RCC1L: variants seen among roughly 807,000 people sequenced by gnomAD.
RCC1L encodes the protein RCC1 like.
A neutral mutation model predicts 58.6 loss-of-function variants in RCC1L; 46 were observed. The ratio of observed to expected loss-of-function variants is 0.79; its 90% CI spans 0.62 to 1.00. The LOEUF is 1.00. Ranked by LOEUF, RCC1L falls within the 50% of genes least tolerant of loss-of-function variation. The pLI, the probability that RCC1L is intolerant of heterozygous loss-of-function variation, is 0.00. For synonymous variants in RCC1L, 281 were observed against 262.9 expected, an observed-to-expected ratio of 1.07 and a Z score of -0.67; for missense variants, 636 against 623.6, an observed-to-expected ratio of 1.02 and a Z score of -0.21.
At chr7:75,039,187 G>A (rs1179494249), downstream of RCC1L, among the ~76,000 whole-genome samples, 1 of 152,200 alleles carries the variant, frequency 6.6e-6, no homozygotes, top group African/African-American at 2.4e-5. Context: ...GTGAAGGCCA[G>A]GCCTCCTTTA....
chr7:75,041,863 CAAAAA>C (rs1201913828), downstream of RCC1L, among the ~76,000 whole-genome samples: 7 of 64,484 alleles, frequency 1.1e-4, no homozygotes, highest in African/African-American at 2.5e-4. Context: ...GACTCTGTCT[CAAAAA>C]AAAAAAAAAA....
Position 75,063,805 on chromosome 7 carries a change from A to C in RCC1L, c.651-462T>G, listed in dbSNP as rs987189121. ...TGCGGTGGCGGACGCCTGTAATCCCAGCTATTCGGGAGGCTGATACATGAG... is the reference window on the plus strand; with the variant it reads ...TGCGGTGGCGGACGCCTGTAATCCCCGCTATTCGGGAGGCTGATACATGAG... On this transcript the variant is annotated intron_variant, in intron 4 of 10. Coordinates refer to ENST00000610322, the MANE Select transcript of RCC1L (RefSeq NM_030798.5). Among the ~76,000 whole-genome samples, 93 of 152,242 alleles carry C rather than the reference A, an allele frequency of 6.1e-4. 1 individual carries two copies. The South Asian group carries it at 0.018, about 29-fold the overall frequency.
Position 75,042,303 on chromosome 7 carries a change from T to G in RCC1L, c.*729A>C, listed in dbSNP as rs1805588945. 1 of 985,508 alleles carries G rather than the reference T, an allele frequency of 1.0e-6. No homozygotes were observed. 61.0% of individuals were successfully genotyped at this position (985,508 alleles called of 1,614,324 possible). On this transcript the variant is annotated 3_prime_UTR_variant, in exon 11 of 11. Transcript: ENST00000610322. Reference sequence around the variant, plus strand: ...ATTGTTCACAATTTCTGGATCTTCCTCCTCCGCCTGGCACTGCAGCTGAGC... The same window carrying G: ...ATTGTTCACAATTTCTGGATCTTCCGCCTCCGCCTGGCACTGCAGCTGAGC...
chr7:75,070,620 GA>G lies in RCC1L; in HGVS notation c.454+19del, dbSNP rs1554445909. On this transcript the variant is annotated intron_variant, in intron 2 of 10. Transcript: ENST00000610322. ...CTCAGACCAATCCCGGCAAAGAGGA[GA>G]CAAGGTAGGGATGCTCACTTTTATC... 1 of 1,612,572 alleles carries G rather than the reference GA, an allele frequency of 6.2e-7. No homozygotes were observed.
intron 6 of RCC1L, 49 bp downstream of exon 6, chr7:75,061,157 TG>T: frequency 6.7e-7 from 1 of 1,484,174 alleles, no homozygotes; most frequent in South Asian, 1.1e-5. Context: ...CAGCTCCACA[TG>T]ACACGGGCTG....
chr7:75,055,773 G>T (rs1806056703), intron 9 of RCC1L, 128 bp downstream of exon 9: 1 of 1,071,064 alleles, frequency 9.3e-7, no homozygotes, highest in Non-Finnish European at 1.4e-6. Flanking sequence ...CCTTGCTTGA[G>T]TTATCAGTAC....
At chr7:75,028,192 A>AAC in intron 10 of RCC1L, 1 of 990,162 alleles carries the variant, frequency 1.0e-6, no homozygotes, top group South Asian at 1.7e-5. Context: ...ATCTCAGCTC[A>AAC]CTGCAGCAAC....
rs1337545164 is a variant in RCC1L, at chr7:75,042,262, C to T, written c.*770G>A. ...TGTTTTTAAAGGGAAAGGCAAGTCA[C>T]GCTACTAAATCAAACATTGTTCACA... On this transcript the variant is annotated 3_prime_UTR_variant, in exon 11 of 11. Coordinates refer to ENST00000610322, the MANE Select transcript of RCC1L (RefSeq NM_030798.5). 6 of 985,458 alleles carry T rather than the reference C, an allele frequency of 6.1e-6. No homozygotes were observed. In the African/African-American group the frequency reaches 7.0e-5, roughly 11 times the overall value. 61.0% of individuals were successfully genotyped at this position (985,458 alleles called of 1,614,324 possible).
In RCC1L at chr7:75,061,426, T is replaced by G. The variant is rs1427500471; in HGVS notation, c.703-135A>C. 3 of 758,380 alleles carry G rather than the reference T, an allele frequency of 4.0e-6. No homozygotes were observed. The African/African-American group carries it at 5.1e-5, about 13-fold the overall frequency. 47.0% of individuals were successfully genotyped at this position (758,380 alleles called of 1,614,324 possible). On this transcript the variant is annotated intron_variant, in intron 5 of 10. Coordinates refer to ENST00000610322, the MANE Select transcript of RCC1L (RefSeq NM_030798.5). Reference sequence around the variant, plus strand: ...ATGGTCCAGGCAGACTGCTCCATGCTCATCTTACTCCTTCTCAATCTACCA... The same window carrying G: ...ATGGTCCAGGCAGACTGCTCCATGCGCATCTTACTCCTTCTCAATCTACCA...
At chr7:75,060,777 G>C (rs1176546497) in intron 6 of RCC1L, among the ~76,000 whole-genome samples, 1 of 151,936 alleles carries the variant, frequency 6.6e-6, no homozygotes, top group Non-Finnish European at 1.5e-5. Context: ...GGGAATGGAA[G>C]GGATGCAAAA....
At chr7:75,072,980 G>T (rs1304598049) in intron 1 of RCC1L, among the ~76,000 whole-genome samples, 2 of 152,164 alleles carry the variant, frequency 1.3e-5, no homozygotes, top group African/African-American at 4.8e-5. Flanking sequence ...TTTCTGAGTT[G>T]TTCATTGAAA....
downstream of RCC1L, among the ~76,000 whole-genome samples, chr7:75,041,283 C>T (rs1805557740): frequency 6.6e-6 from 1 of 152,098 alleles, no homozygotes; most frequent in Non-Finnish European, 1.5e-5. Context: ...TCCTCTCCTC[C>T]TGCTTTCTCT....
Position 75,058,639 on chromosome 7 carries a change from A to C in RCC1L, c.918T>G (p.Gly306=). ...LAVSADGGLF[G]WGNSEYLQLA... ...GCTGCAGGTACTCCGAGTTTCCCCA[A>C]CCAAAAAGTCCTCCGTCGGCGGACA... Residue 306 remains glycine (G), a synonymous_variant, in exon 7 of 11, where the codon GGT becomes GGG. Transcript: ENST00000610322. 1 of 1,613,304 alleles carries C rather than the reference A, an allele frequency of 6.2e-7. No homozygotes were observed. Among genetic ancestry groups the C allele is most frequent in the Non-Finnish European group, 8.5e-7 (1 of 1,179,622 alleles).
intron 8 of RCC1L, among the ~76,000 whole-genome samples, chr7:75,057,277 A>G (rs1806110844): frequency 6.6e-6 from 1 of 151,882 alleles, no homozygotes. Context: ...CCAGCCTTCC[A>G]GCTAATTTCT....
At chr7:75,063,948 T>C (rs1411867540) in intron 4 of RCC1L, among the ~76,000 whole-genome samples, 3 of 150,584 alleles carry the variant, frequency 2.0e-5, no homozygotes, top group Non-Finnish European at 4.4e-5. Context: ...TAAATAAAAA[T>C]AAAATGAAAA....
In RCC1L at chr7:75,051,345, T is replaced by C. The variant is rs889990101; in HGVS notation, c.1317+1366A>G. ...ATATACACACACACACACATATATA[T>C]ACACACACACATATATATACACACA... On this transcript the variant is annotated intron_variant, in intron 10 of 10. Transcript: ENST00000610322. 6.7e-5 allele frequency among the ~76,000 whole-genome samples: 10 copies of C among 148,538 alleles called. No homozygotes were observed. In the South Asian group the frequency reaches 8.4e-4, roughly 13 times the overall value.
intron 10 of RCC1L, among the ~76,000 whole-genome samples, chr7:75,048,705 C>G (rs1805821526): frequency 6.6e-6 from 1 of 152,250 alleles, no homozygotes; most frequent in African/African-American, 2.4e-5. Flanking sequence ...CCCCTCGCTG[C>G]CTGCTGTAGG....
intron 6 of RCC1L, 78 bp downstream of exon 6, chr7:75,061,129 T>C: frequency 8.5e-7 from 1 of 1,178,640 alleles, no homozygotes; most frequent in Non-Finnish European, 1.3e-6. Context: ...TTCTAGCCCA[T>C]AAATGCCCTA....
At chr7:75,056,721 G>C (rs1026350839) in intron 8 of RCC1L, 4 of 1,535,268 alleles carry the variant, frequency 2.6e-6, no homozygotes, top group Middle Eastern at 1.7e-4. Context: ...CTGTGGCCAT[G>C]TATCTACAGA....
Sources: allele counts gnomAD v4.1 joint callset (sites outside exome capture counted in the v4.1 genomes callset), GRCh38; gene constraint gnomAD v4.1.1; transcripts MANE v1.5; gene names NCBI Gene and HGNC (gene_info 2026-07-23, HGNC 2026-07-21).